AGO2: variants seen among roughly 807,000 people sequenced by gnomAD.
The protein encoded by AGO2 is argonaute RISC catalytic component 2.
A neutral mutation model predicts 102.3 loss-of-function variants in AGO2; 5 were observed. That is an observed-to-expected ratio of 0.05 (90% CI 0.03 to 0.10). AGO2 has a LOEUF of 0.10. AGO2 is among the 10% of genes least tolerant of loss of function. The pLI is 1.00. For missense variants in AGO2, 541 were observed against 1,183.7 expected (o/e 0.46, Z 7.97); for synonymous variants, 449 against 473.1 (o/e 0.95, Z 0.66).
rs962938916 is a variant in AGO2, at chr8:140,521,498, A to T, written c.*10546T>A. On this transcript the variant is annotated 3_prime_UTR_variant, in exon 19 of 19. Coordinates refer to ENST00000220592, the MANE Select transcript of AGO2 (RefSeq NM_012154.5). ...CCTAATTTTTATTTCTTATTGGTAT[A>T]AAATCAAATTCTTAAGACTCCAAAA... 63 of 152,368 alleles carry T rather than the reference A, an allele frequency of 4.1e-4. No individual in the cohort carries two copies. The highest frequency in any genetic ancestry group is 3.5e-3 in the Admixed American group (54 of 15,312). 9.4% of individuals were successfully genotyped at this position (152,368 alleles called of 1,614,324 possible). A position where few individuals can be genotyped will look rare whatever the true frequency, so the allele number is the denominator to read the frequency against.
chr8:140,634,069 G>A (rs1001175393), intron 1 of AGO2, among the ~76,000 whole-genome samples: 1 of 152,214 alleles, frequency 6.6e-6, no homozygotes, highest in African/African-American at 2.4e-5. Context: ...AGGGGGCCTG[G>A]CCACCCAAGG....
At chr8:140,558,816 G>A (rs1421107085) in intron 6 of AGO2, among the ~76,000 whole-genome samples, 3 of 152,212 alleles carry the variant, frequency 2.0e-5, no homozygotes, top group African/African-American at 7.2e-5. Context: ...GTCCACCCTC[G>A]TGCTGTTCTG....
rs547828267 is a variant in AGO2, at chr8:140,617,090, C to T, written c.22+18395G>A. 4.6e-5 allele frequency among the ~76,000 whole-genome samples: 7 copies of T among 152,334 alleles called. No homozygotes were observed. In the East Asian group the frequency reaches 7.7e-4, roughly 17 times the overall value. ...AGAGAGTGGACCCCCCTCATCCCCA[C>T]ACACCTTGTCAGACCCTGTAAGGAA... On this transcript the variant is annotated intron_variant, in intron 1 of 18. Coordinates refer to ENST00000220592, the MANE Select transcript of AGO2 (RefSeq NM_012154.5).
intron 3 of AGO2, among the ~76,000 whole-genome samples, chr8:140,563,379 C>A (rs934306760): frequency 1.3e-5 from 2 of 152,080 alleles, no homozygotes; most frequent in African/African-American, 4.8e-5. Context: ...TACAGGCACA[C>A]GCCACCAAAC....
intron 1 of AGO2, among the ~76,000 whole-genome samples, chr8:140,588,868 T>C (rs1305689279): frequency 3.3e-5 from 5 of 152,234 alleles, no homozygotes; most frequent in African/African-American, 1.2e-4. Flanking sequence ...CGCAGCGTCA[T>C]GTACACAGCC....
Position 140,524,921 on chromosome 8 carries a change from C to T in AGO2, c.*7123G>A, listed in dbSNP as rs1286243163. ...AAGAACTGAATAAGAATGGCCCCAA[C>T]GTCCAGTTCCTGGAGACACTTGGGG... On this transcript the variant is annotated 3_prime_UTR_variant, in exon 19 of 19. Transcript: ENST00000220592. 1.3e-5 allele frequency: 2 copies of T among 152,216 alleles called. No homozygotes were observed. Among genetic ancestry groups the T allele is most frequent in the African/African-American group, 2.4e-5 (1 of 41,444 alleles). 9.4% of individuals were successfully genotyped at this position (152,216 alleles called of 1,614,324 possible). A position where few individuals can be genotyped will look rare whatever the true frequency, so the allele number is the denominator to read the frequency against.
Position 140,521,644 on chromosome 8 carries a change from C to G in AGO2, c.*10400G>C, listed in dbSNP as rs1368618943. 6.6e-6 allele frequency: 1 copy of G among 152,214 alleles called. No individual in the cohort carries two copies. Among genetic ancestry groups the G allele is most frequent in the Non-Finnish European group, 1.5e-5 (1 of 68,056 alleles). 9.4% of individuals were successfully genotyped at this position (152,214 alleles called of 1,614,324 possible). On this transcript the variant is annotated 3_prime_UTR_variant, in exon 19 of 19. Transcript: ENST00000220592. ...CAACCTATCTCATTTTCTTACCTGTCAGAAAGCCTTCCTAACTTACAGGCA... is the reference window on the plus strand; with the variant it reads ...CAACCTATCTCATTTTCTTACCTGTGAGAAAGCCTTCCTAACTTACAGGCA...
intron 1 of AGO2, among the ~76,000 whole-genome samples, chr8:140,606,587 CAA>C (rs1283203759): frequency 6.6e-6 from 1 of 152,206 alleles, no homozygotes; most frequent in Non-Finnish European, 1.5e-5. Flanking sequence ...TACATTCTGA[CAA>C]AGTTACACAC....
chr8:140,577,278 A>G (rs2073481858), intron 2 of AGO2, among the ~76,000 whole-genome samples: 1 of 152,034 alleles, frequency 6.6e-6, no homozygotes, highest in Admixed American at 6.6e-5. Context: ...CAGGTATACA[A>G]TGATAATGAT....
At chr8:140,625,498 T>C (rs2074264507) in intron 1 of AGO2, among the ~76,000 whole-genome samples, 1 of 152,164 alleles carries the variant, frequency 6.6e-6, no homozygotes, top group Non-Finnish European at 1.5e-5. Context: ...CCATGGTCTT[T>C]CATCCCTCGT....
At chr8:140,534,130 G>A (rs933808223) in intron 17 of AGO2, among the ~76,000 whole-genome samples, 1 of 152,228 alleles carries the variant, frequency 6.6e-6, no homozygotes, top group East Asian at 1.9e-4. Flanking sequence ...CACCGCACAT[G>A]CTCCGGCACC....
rs773240308 is a variant in AGO2, at chr8:140,556,164, C to T, written c.1146+3G>A. ...GGCAGCCCTGCCCGGGACTGACACT[C>T]ACCAATTTGCTAATCTCTTCTTGCC... On this transcript the variant is annotated splice_donor_region_variant and intron_variant, in intron 9 of 18. Coordinates refer to ENST00000220592, the MANE Select transcript of AGO2 (RefSeq NM_012154.5). 3 of 1,614,220 alleles carry T rather than the reference C, an allele frequency of 1.9e-6. No homozygotes were observed. Among genetic ancestry groups the T allele is most frequent in the Non-Finnish European group, 2.5e-6 (3 of 1,180,028 alleles).
At chr8:140,639,085 T>C (rs1223226204), upstream of AGO2, among the ~76,000 whole-genome samples, 2 of 152,062 alleles carry the variant, frequency 1.3e-5, no homozygotes, top group Non-Finnish European at 2.9e-5. Context: ...TCCAGGCTGG[T>C]TTCAAATTCC....
chr8:140,600,006 G>A (rs544018797), intron 1 of AGO2, among the ~76,000 whole-genome samples: 1 of 152,118 alleles, frequency 6.6e-6, no homozygotes, highest in East Asian at 1.9e-4. Flanking sequence ...ACAGGCATGA[G>A]CCACTGTGCC....
chr8:140,574,020 G>C (rs898953375), intron 2 of AGO2, among the ~76,000 whole-genome samples: 1 of 152,180 alleles, frequency 6.6e-6, no homozygotes, highest in African/African-American at 2.4e-5. Flanking sequence ...TGCTGGGAGA[G>C]ACTGGGGTTT....
rs894847214 is a variant in AGO2, at chr8:140,589,488, T to C, written c.23-4177A>G. ...AAGCCGGCCCAGTGCTCAGCACCCA[T>C]GAATCAGGGGATGTAAACGGTTAAA... On this transcript the variant is annotated intron_variant, in intron 1 of 18. Coordinates refer to ENST00000220592, the MANE Select transcript of AGO2 (RefSeq NM_012154.5). The surrounding 1 kb of genome is among the most constrained non-coding windows in gnomAD (Gnocchi z 4.2). Among the ~76,000 whole-genome samples, 3 of 152,026 alleles carry C rather than the reference T, an allele frequency of 2.0e-5. No homozygotes were observed. Among genetic ancestry groups the C allele is most frequent in the African/African-American group, 7.2e-5 (3 of 41,380 alleles).
Position 140,532,627 on chromosome 8 carries a change from C to T in AGO2, c.2272-12G>A, listed in dbSNP as rs768618829. 2.5e-5 allele frequency: 41 copies of T among 1,613,472 alleles called. No homozygotes were observed. The highest frequency in any genetic ancestry group is 8.3e-5 in the Admixed American group (5 of 59,986). On this transcript the variant is annotated splice_polypyrimidine_tract_variant and intron_variant, in intron 17 of 18. Coordinates refer to ENST00000220592, the MANE Select transcript of AGO2 (RefSeq NM_012154.5). ...GGCCTGCTTGTCCCCTAAAGCAGAT[C>T]AGAAGATTAGACAGTTGGACTCGCA...
intron 1 of AGO2, among the ~76,000 whole-genome samples, chr8:140,597,466 GCCCCCCCACC>G (rs1399899736): frequency 2.1e-5 from 1 of 48,424 alleles, no homozygotes; most frequent in African/African-American, 8.3e-5. Context: ...GGGCTGGGTG[GCCCCCCCACC>G]CCCCCCCCCC....
intron 2 of AGO2, among the ~76,000 whole-genome samples, chr8:140,583,182 A>G (rs1344683151): frequency 1.3e-5 from 2 of 152,182 alleles, no homozygotes; most frequent in Non-Finnish European, 2.9e-5. Flanking sequence ...TTTGGGCTCT[A>G]GGACTTATAG....
Sources: allele counts gnomAD v4.1 joint callset (sites outside exome capture counted in the v4.1 genomes callset), GRCh38; gene constraint gnomAD v4.1.1; non-coding constraint Gnocchi (gnomAD v3.1); transcripts MANE v1.5; gene names NCBI Gene and HGNC (gene_info 2026-07-23, HGNC 2026-07-21).